Variants in FREM3 observed in about 807,000 individuals in gnomAD.
FREM3 encodes FRAS1 related extracellular matrix 3.
Under a neutral mutation model 129.1 loss-of-function variants are expected in FREM3, and 105 were observed. That is an observed-to-expected ratio of 0.81 (90% confidence interval 0.69 to 0.96). FREM3 has a LOEUF of 0.96. FREM3 is among the 40% of genes least tolerant of loss of function. FREM3 has a pLI of 0.00. For synonymous variants in FREM3, 1,014 were observed against 1,044.9 expected, an observed-to-expected ratio of 0.97 and a Z score of 0.57; for missense variants, 2,593 against 2,666.3, an observed-to-expected ratio of 0.97 and a Z score of 0.61.
chr4:143,669,294 T>A (rs1374374628), intron 2 of FREM3, among the ~76,000 whole-genome samples: 14 of 152,202 alleles, frequency 9.2e-5, no homozygotes, highest in Admixed American at 9.2e-4. Flanking sequence ...TTTTAATTCT[T>A]AACTAATGAA....
At chr4:143,612,063 G>A (rs923766608) in intron 5 of FREM3, among the ~76,000 whole-genome samples, 2 of 152,076 alleles carry the variant, frequency 1.3e-5, no homozygotes, top group Non-Finnish European at 2.9e-5. Context: ...AGAGGATTTC[G>A]GTTTAGATTC....
At chr4:143,604,255 C>G (rs1738626771) in intron 6 of FREM3, among the ~76,000 whole-genome samples, 1 of 152,166 alleles carries the variant, frequency 6.6e-6, no homozygotes, top group African/African-American at 2.4e-5. Flanking sequence ...ATACAGCCCA[C>G]AGAACCATGG....
intron 2 of FREM3, among the ~76,000 whole-genome samples, chr4:143,678,383 G>T (rs1430506179): frequency 6.6e-6 from 1 of 152,000 alleles, no homozygotes; most frequent in Non-Finnish European, 1.5e-5. Flanking sequence ...ACACACCGGG[G>T]CCTGTTGTTG....
chr4:143,700,391 G>A lies in FREM3; in HGVS notation c.285C>T (p.Cys95=), dbSNP rs1290067590. The A allele has an allele frequency of 2.6e-6, 4 of 1,534,628 alleles. No homozygotes were observed. The East Asian group carries it at 9.8e-5, about 38-fold the overall frequency. Reference sequence around the variant, plus strand: ...GCAGGGCGTCCAGTACCGTGACTTCGCACCGGTCCCCCGGCTGCACTCCAA... The same window carrying A: ...GCAGGGCGTCCAGTACCGTGACTTCACACCGGTCCCCCGGCTGCACTCCAA... The part of the protein sequence containing the change: ...LVIGVQPGDR[C]EVTVLDALPR... The change falls in exon 1 of 8, where the codon TGC becomes TGT. Residue 95 remains cysteine, a synonymous_variant. Transcript: ENST00000329798.
At chr4:143,647,211 A>G (rs919602712) in intron 2 of FREM3, among the ~76,000 whole-genome samples, 1 of 151,600 alleles carries the variant, frequency 6.6e-6, no homozygotes, top group African/African-American at 2.4e-5. Context: ...TGGAACTTTG[A>G]ACTTCAGAGA....
chr4:143,603,982 G>A (rs1738622375), intron 6 of FREM3, among the ~76,000 whole-genome samples: 1 of 152,174 alleles, frequency 6.6e-6, no homozygotes, highest in Admixed American at 6.5e-5. Flanking sequence ...CCCAGTGTTG[G>A]AGGTGAGGCC....
chr4:143,699,147 C>G lies in FREM3; in HGVS notation c.1529G>C (p.Ser510Thr). ...GATGATATTGTCACTGTAGGTGTTG[C>G]TGCCATCATGCTGATACACCACTCG... ...AGRVVYQHDG[S>T]NTYSDNIIFR... The change falls in exon 1 of 8, where the codon AGC (serine) becomes ACC (threonine). Residue 510 changes from serine (S) to threonine (T), a missense_variant. By Grantham distance (58) the Ser-to-Thr change is moderately conservative. Transcript: ENST00000329798. The surrounding 1 kb of genome is among the most constrained non-coding windows in gnomAD (Gnocchi z 4.2). The G allele has an allele frequency of 6.5e-7, 1 of 1,537,392 alleles. No homozygotes were observed. The highest frequency in any genetic ancestry group is 8.7e-7 in the Non-Finnish European group (1 of 1,146,950).
At chr4:143,615,949 A>G (rs1738837212) in intron 5 of FREM3, among the ~76,000 whole-genome samples, 1 of 152,214 alleles carries the variant, frequency 6.6e-6, no homozygotes, top group Non-Finnish European at 1.5e-5. Flanking sequence ...CTGAGGATAC[A>G]GGGCAGCAGG....
At chr4:143,679,096 C>T (rs1225029284) in intron 2 of FREM3, among the ~76,000 whole-genome samples, 2 of 152,068 alleles carry the variant, frequency 1.3e-5, no homozygotes, top group African/African-American at 4.8e-5. Context: ...ATTTTACTTT[C>T]TAAAAATGTT....
At chr4:143,640,557 C>A (rs1436214872) in intron 2 of FREM3, among the ~76,000 whole-genome samples, 1 of 152,168 alleles carries the variant, frequency 6.6e-6, no homozygotes, top group East Asian at 1.9e-4. Context: ...GTAATCCCAG[C>A]TACTCAGGAG....
intron 6 of FREM3, among the ~76,000 whole-genome samples, chr4:143,588,318 G>A (rs1037474284): frequency 6.6e-6 from 1 of 151,952 alleles, no homozygotes; most frequent in African/African-American, 2.4e-5. Context: ...ATGTATACAT[G>A]TGCCATGTTG....
chr4:143,595,624 T>A lies in FREM3; in HGVS notation c.6029-9631A>T, dbSNP rs533948260. Among the ~76,000 whole-genome samples the A allele has an allele frequency of 3.0e-3, 458 of 152,278 alleles. 3 individuals carry two copies. Among genetic ancestry groups the A allele is most frequent in the African/African-American group, 7.9e-3 (329 of 41,562 alleles). On this transcript the variant is annotated intron_variant, in intron 6 of 7. Transcript: ENST00000329798. ...AGAAGGGAGCCGGGCACCGTGGCTC[T>A]TGCCTGTAATCCCAGCACTTTGGGA...
intron 2 of FREM3, among the ~76,000 whole-genome samples, chr4:143,628,064 C>T (rs1739075293): frequency 6.6e-6 from 1 of 152,020 alleles, no homozygotes; most frequent in African/African-American, 2.4e-5. Flanking sequence ...AGGTCATACT[C>T]AACACCTCTA....
At position 143,699,335 on chromosome 4, in the gene FREM3, C is replaced by G. The variant is rs1459904350; in HGVS notation, c.1341G>C (p.Gln447His). 2 of 1,537,382 alleles carry G rather than the reference C, an allele frequency of 1.3e-6. No homozygotes were observed. The highest frequency in any genetic ancestry group is 4.9e-5 in the East Asian group (2 of 40,916). ...HNRGLVLFEGQSRPLSSTHSI... is the reference protein window; with the variant it reads ...HNRGLVLFEGHSRPLSSTHSI... ...TGTGGGTGCTGGACAAGGGCCTTGA[C>G]TGACCTTCAAAAAGCACAAGTCCCC... The change falls in exon 1 of 8, where the codon CAG (glutamine) becomes CAC (histidine). Residue 447 changes from glutamine (Q) to histidine (H), a missense_variant. This residue lies in a region of FREM3 where 2,276 missense variants were observed against 2,267.2 expected (regional missense o/e 1.00). Transcript: ENST00000329798. The surrounding 1 kb of genome is among the most constrained non-coding windows in gnomAD (Gnocchi z 4.2).
At chr4:143,644,388 A>G (rs750884044) in intron 2 of FREM3, among the ~76,000 whole-genome samples, 80 of 152,336 alleles carry the variant, frequency 5.3e-4, no homozygotes, top group Non-Finnish European at 1.0e-3. Flanking sequence ...AATCTAAAAT[A>G]TAAAGAATGA....
intron 2 of FREM3, among the ~76,000 whole-genome samples, chr4:143,637,350 A>C (rs1028698452): frequency 5.3e-5 from 8 of 152,194 alleles, no homozygotes; most frequent in Non-Finnish European, 1.2e-4. Flanking sequence ...GCCAAACTGC[A>C]TGTCAGCTAG....
intron 6 of FREM3, among the ~76,000 whole-genome samples, chr4:143,596,026 T>C (rs1360985089): frequency 3.3e-5 from 5 of 151,682 alleles, no homozygotes; most frequent in Admixed American, 2.6e-4. Context: ...GAGTGGCTAG[T>C]AGGAACAAAG....
At chr4:143,671,933 T>G (rs1740001060) in intron 2 of FREM3, among the ~76,000 whole-genome samples, 1 of 152,182 alleles carries the variant, frequency 6.6e-6, no homozygotes, top group Non-Finnish European at 1.5e-5. Flanking sequence ...TGAATGAGAT[T>G]TTATAGTCAA....
intron 6 of FREM3, among the ~76,000 whole-genome samples, chr4:143,593,174 G>T (rs536995704): frequency 1.3e-5 from 2 of 152,168 alleles, no homozygotes; most frequent in East Asian, 1.9e-4. Context: ...TTTGCCATTG[G>T]TTCGAACTTC....
Sources: allele counts gnomAD v4.1 joint callset (sites outside exome capture counted in the v4.1 genomes callset), GRCh38; gene constraint gnomAD v4.1.1; regional missense constraint gnomAD v4.1.1; non-coding constraint Gnocchi (gnomAD v3.1); transcripts MANE v1.5; gene names NCBI Gene and HGNC (gene_info 2026-07-23, HGNC 2026-07-21).